The following TXNDC11 variants were observed in gnomAD, a reference collection of about 807,000 sequenced individuals.
The protein encoded by TXNDC11 is thioredoxin domain containing 11, also known as thioredoxin domain-containing protein 11.
A neutral mutation model predicts 78.0 loss-of-function variants in TXNDC11; 68 were observed. The observed-to-expected ratio is 0.87, with a 90% confidence interval of 0.72 to 1.07. The LOEUF (loss-of-function observed/expected upper bound fraction) is 1.07. Among genes scored for constraint, TXNDC11 ranks in the 50% least tolerant of loss-of-function variants. TXNDC11 has a pLI of 0.00. For missense variants in TXNDC11, 1,389 were observed against 1,221.8 expected (o/e 1.14, Z -2.04); for synonymous variants, 571 against 495.2 (o/e 1.15, Z -2.03).
intron 5 of TXNDC11, among the ~76,000 whole-genome samples, chr16:11,709,165 T>C (rs2141054102): frequency 6.6e-6 from 1 of 152,222 alleles, no homozygotes; most frequent in South Asian, 2.1e-4. Flanking sequence ...AAAGCAATTA[T>C]TTAGAAAAAA....
chr16:11,687,107 T>C (rs907373360), intron 10 of TXNDC11, among the ~76,000 whole-genome samples: 4 of 152,240 alleles, frequency 2.6e-5, no homozygotes, highest in Non-Finnish European at 4.4e-5. Context: ...TTTTGTCTGC[T>C]TTCCCTGTTT....
At chr16:11,739,090 G>A (rs2052317866) in intron 1 of TXNDC11, among the ~76,000 whole-genome samples, 1 of 152,128 alleles carries the variant, frequency 6.6e-6, no homozygotes, top group Non-Finnish European at 1.5e-5. Context: ...ATGTAGGTCT[G>A]ACAGTCAACG....
intron 5 of TXNDC11, among the ~76,000 whole-genome samples, chr16:11,720,416 A>ATTT (rs35998980): frequency 4.3e-5 from 6 of 140,704 alleles, no homozygotes; most frequent in Admixed American, 7.1e-5. Context: ...TGATGTAATA[A>ATTT]TTTTTTTTTT....
In TXNDC11 at chr16:11,742,480, C is replaced by G; in HGVS notation, c.251G>C (p.Cys84Ser). ...CCCAGGGTCCGGGCCGCCTCACCTG[C>G]AGGTGAACTTGAGGGCGAGGAGCAG... ...CALLLALKFT[C>S]SRAKDVIIPA... is the part of the protein sequence containing the mutation. The change falls in exon 1 of 12, where the codon TGC becomes TCC. Residue 84 changes from cysteine (C) to serine (S), a missense_variant. Transcript: ENST00000283033. 1 of 1,441,308 alleles carries G rather than the reference C, an allele frequency of 6.9e-7. No homozygotes were observed. The highest frequency in any genetic ancestry group is 9.0e-7 in the Non-Finnish European group (1 of 1,105,010). The allele number at this position is 1,441,308 out of a possible 1,614,324, so 89.3% of individuals were successfully genotyped here. A position where few individuals can be genotyped will look rare whatever the true frequency, so the allele number is the denominator to read the frequency against.
In TXNDC11 at chr16:11,734,074, C is replaced by T. The variant is rs1416596616; in HGVS notation, c.477G>A (p.Leu159=). 1 of 1,597,414 alleles carries T rather than the reference C, an allele frequency of 6.3e-7. No individual in the cohort carries two copies. The highest frequency in any genetic ancestry group is 1.2e-5 in the South Asian group (1 of 86,686). ...QAASRLSDQV[L]FVAINCWWNQ... ...TCCACCAACAGTTAATTGCCACAAA[C>T]AACACCTGCAGAGCCAAAAAAGGTT... The change falls in exon 3 of 12, where the codon TTG becomes TTA. Residue 159 remains leucine (L), a synonymous_variant. Coordinates refer to ENST00000283033, the MANE Select transcript of TXNDC11 (RefSeq NM_015914.7).
intron 5 of TXNDC11, among the ~76,000 whole-genome samples, chr16:11,716,382 G>A (rs931749902): frequency 6.6e-6 from 1 of 152,150 alleles, no homozygotes; most frequent in African/African-American, 2.4e-5. Flanking sequence ...TTCAGAATAT[G>A]ACCCCTCTAC....
At chr16:11,710,807 C>T (rs920640775) in intron 5 of TXNDC11, among the ~76,000 whole-genome samples, 5 of 152,198 alleles carry the variant, frequency 3.3e-5, no homozygotes, top group African/African-American at 9.6e-5. Context: ...AGAGTGAGAC[C>T]CTGTCAAATA....
At chr16:11,695,550 T>A (rs1047017783) in intron 7 of TXNDC11, among the ~76,000 whole-genome samples, 1 of 152,214 alleles carries the variant, frequency 6.6e-6, no homozygotes, top group African/African-American at 2.4e-5. Context: ...CCTTCCCACC[T>A]TACCCAAAGG....
chr16:11,688,599 C>T (rs1268219243), intron 8 of TXNDC11, 154 bp from the exon 9 acceptor site: 9 of 615,818 alleles, frequency 1.5e-5, no homozygotes, highest in Non-Finnish European at 2.2e-5. Context: ...CAAAGCTGCC[C>T]GGGTGGCATC....
Position 11,698,118 on chromosome 16 carries a change from C to T in TXNDC11, c.1107+7G>A, listed in dbSNP as rs779960718. The T allele has an allele frequency of 1.2e-6, 2 of 1,614,130 alleles. No homozygotes were observed. Among genetic ancestry groups the T allele is most frequent in the Admixed American group, 1.7e-5 (1 of 60,030 alleles). On this transcript the variant is annotated splice_region_variant and intron_variant, in intron 7 of 11. Coordinates refer to ENST00000283033, the MANE Select transcript of TXNDC11 (RefSeq NM_015914.7). ...TCATGAGGTGCTTTTCACATCACAGCTCTTACCTCGTCTATTAAAGGATGA... is the reference window on the plus strand; with the variant it reads ...TCATGAGGTGCTTTTCACATCACAGTTCTTACCTCGTCTATTAAAGGATGA...
At chr16:11,713,666 T>G (rs1054140464) in intron 5 of TXNDC11, among the ~76,000 whole-genome samples, 1 of 152,174 alleles carries the variant, frequency 6.6e-6, no homozygotes, top group African/African-American at 2.4e-5. Flanking sequence ...TCCATGCGCC[T>G]TGGCCTCCCA....
intron 7 of TXNDC11, 91 bp from the exon 8 acceptor site, chr16:11,692,173 T>A: frequency 9.6e-7 from 1 of 1,037,410 alleles, no homozygotes; most frequent in Non-Finnish European, 1.4e-6. Flanking sequence ...TAATTTCAGT[T>A]ATCCATGGTC....
At chr16:11,731,928 G>T (rs951874965) in intron 3 of TXNDC11, among the ~76,000 whole-genome samples, 1 of 151,880 alleles carries the variant, frequency 6.6e-6, no homozygotes, top group African/African-American at 2.4e-5. Flanking sequence ...TAATTTAAAG[G>T]AAGAAATCAA....
rs372340967 is a variant in TXNDC11, at chr16:11,717,368, G to A, written c.793+4209C>T. Among the ~76,000 whole-genome samples, 16 of 145,608 alleles carry A rather than the reference G, an allele frequency of 1.1e-4. No individual in the cohort carries two copies. In the East Asian group the frequency reaches 3.1e-3, roughly 28 times the overall value. ...CATGAGAATCCCTTGAACCTGGGCG[G>A]AGGTTGCAGTGAGCTGAGATCATGC... On this transcript the variant is annotated intron_variant, in intron 5 of 11. Transcript: ENST00000283033.
rs570831416 is a variant in TXNDC11 at position 11,700,374 on chromosome 16, C to G, written c.906+78G>C. Reference sequence around the variant, plus strand: ...CTAGAGAGTGTCCATAGATTTTAACCAATTCTCAAAGGAGTCTGTGACCTA... The same window carrying G: ...CTAGAGAGTGTCCATAGATTTTAACGAATTCTCAAAGGAGTCTGTGACCTA... On this transcript the variant is annotated intron_variant, in intron 6 of 11. Coordinates refer to ENST00000283033, the MANE Select transcript of TXNDC11 (RefSeq NM_015914.7). 27 of 647,630 alleles carry G rather than the reference C, an allele frequency of 4.2e-5. No individual in the cohort carries two copies. The South Asian group carries it at 5.8e-4, about 14-fold the overall frequency. The allele number at this position is 647,630 out of a possible 1,614,324, so 40.1% of individuals were successfully genotyped here. A position where few individuals can be genotyped will look rare whatever the true frequency, so the allele number is the denominator to read the frequency against.
At chr16:11,726,038 T>C (rs2051866684) in intron 4 of TXNDC11, among the ~76,000 whole-genome samples, 1 of 152,036 alleles carries the variant, frequency 6.6e-6, no homozygotes, top group Admixed American at 6.6e-5. Flanking sequence ...CCACCATGCT[T>C]GGCTAATTTT....
At chr16:11,691,039 G>A (rs2050699843) in intron 8 of TXNDC11, 2 of 502,484 alleles carry the variant, frequency 4.0e-6, no homozygotes, top group Admixed American at 3.8e-5. Context: ...TTTAGAAAGT[G>A]GGACTCTTAC....
chr16:11,730,760 T>A lies in TXNDC11; in HGVS notation c.584A>T (p.Glu195Val). The A allele has an allele frequency of 6.2e-7, 1 of 1,601,590 alleles. No individual in the cohort carries two copies. Among genetic ancestry groups the A allele is most frequent in the Non-Finnish European group, 8.5e-7 (1 of 1,172,242 alleles). Residue 195 changes from glutamate to valine, a missense_variant, in exon 4 of 12, where the codon GAA becomes GTA. Transcript: ENST00000283033. ...YLYHRSFGPIEYKGPMSAVYI... is the reference protein window; with the variant it reads ...YLYHRSFGPIVYKGPMSAVYI... ...AACAGCACTCATGGGGCCTTTGTAT[T>A]CGATTGGTCCAAAACTAGTACCAAA...
chr16:11,728,695 C>T (rs2141106943), intron 4 of TXNDC11, among the ~76,000 whole-genome samples: 1 of 152,284 alleles, frequency 6.6e-6, no homozygotes, highest in Admixed American at 6.5e-5. Context: ...CCTGTAATCC[C>T]AGCACTTTGG....
Sources: allele counts gnomAD v4.1 joint callset (sites outside exome capture counted in the v4.1 genomes callset), GRCh38; gene constraint gnomAD v4.1.1; transcripts MANE v1.5; gene names NCBI Gene and HGNC (gene_info 2026-07-23, HGNC 2026-07-21).